LRP1B: variants seen among roughly 807,000 people sequenced by gnomAD.
LRP1B encodes low-density lipoprotein receptor-related protein 1B.
LRP1B carries 217 observed loss-of-function variants against 556.6 expected under a neutral mutation model. The ratio of observed to expected loss-of-function variants is 0.39; its 90% confidence interval spans 0.35 to 0.44. The LOEUF (loss-of-function observed/expected upper bound fraction) is 0.44. Ranked by LOEUF, LRP1B falls within the 20% of genes least tolerant of loss-of-function variation. LRP1B has a pLI of 1.00. For missense variants in LRP1B, 5,053 were observed against 5,620.8 expected, an observed-to-expected ratio of 0.90 and a Z score of 3.23; for synonymous variants, 2,047 against 1,865.8, an observed-to-expected ratio of 1.10 and a Z score of -2.50.
rs1270868000 is a variant in LRP1B at position 141,690,422 on chromosome 2, T to A, written c.205+119857A>T. Among the ~76,000 whole-genome samples, 14 of 132,742 alleles carry A rather than the reference T, an allele frequency of 1.1e-4. 1 individual carries two copies. Among genetic ancestry groups the A allele is most frequent in the African/African-American group, 3.0e-4 (11 of 36,484 alleles). 87.1% of individuals were successfully genotyped at this position (132,742 alleles called of 152,430 possible). A position where few individuals can be genotyped will look rare whatever the true frequency, so the allele number is the denominator to read the frequency against. On this transcript the variant is annotated intron_variant, in intron 2 of 90. Coordinates refer to ENST00000389484, the MANE Select transcript of LRP1B (RefSeq NM_018557.3). ...ATATATATATATATATATATATATA[T>A]ATATATATATATATATATAATTACA...
chr2:140,431,223 A>G (rs1051927382), intron 66 of LRP1B, among the ~76,000 whole-genome samples: 1 of 152,144 alleles, frequency 6.6e-6, no homozygotes, highest in Non-Finnish European at 1.5e-5. Flanking sequence ...TGATGTTTTA[A>G]AAACACACCT....
At chr2:141,468,113 C>G (rs1338553111) in intron 3 of LRP1B, among the ~76,000 whole-genome samples, 2 of 152,134 alleles carry the variant, frequency 1.3e-5, no homozygotes, top group African/African-American at 2.4e-5. Context: ...AAGCTCACAT[C>G]AAAATGTAAG....
intron 1 of LRP1B, among the ~76,000 whole-genome samples, chr2:141,923,098 CAAAAATAAAGATT>C (rs1428953871): frequency 1.3e-5 from 2 of 151,534 alleles, no homozygotes; most frequent in Non-Finnish European, 2.9e-5. Context: ...GACACTGTCT[CAAAAATAAAGATT>C]AAAAATAAAT....
chr2:141,544,877 G>A (rs1268763052), intron 2 of LRP1B, among the ~76,000 whole-genome samples: 1 of 151,406 alleles, frequency 6.6e-6, no homozygotes, highest in Non-Finnish European at 1.5e-5. Flanking sequence ...TGTTTTCTAG[G>A]CTGGTCTCAA....
chr2:140,684,652 G>C (rs1484596542), intron 41 of LRP1B, among the ~76,000 whole-genome samples: 1 of 152,184 alleles, frequency 6.6e-6, no homozygotes, highest in Non-Finnish European at 1.5e-5. Context: ...TATTCTGAAG[G>C]CTGAAAAGGG....
chr2:141,169,603 C>T (rs984372956), intron 7 of LRP1B, among the ~76,000 whole-genome samples: 6 of 151,544 alleles, frequency 4.0e-5, no homozygotes, highest in South Asian at 2.1e-4. Context: ...TTAAAGTTCC[C>T]GTGTAGTAGG....
intron 2 of LRP1B, among the ~76,000 whole-genome samples, chr2:141,624,848 C>T (rs1688645752): frequency 6.6e-6 from 1 of 152,168 alleles, no homozygotes; most frequent in Non-Finnish European, 1.5e-5. Context: ...CGGCTCACTG[C>T]AAGCTCCGCC....
rs117202590 is a variant in LRP1B at position 141,985,342 on chromosome 2, A to C, written c.82+145306T>G. On this transcript the variant is annotated intron_variant, in intron 1 of 90. Coordinates refer to ENST00000389484, the MANE Select transcript of LRP1B (RefSeq NM_018557.3). ...CTTCAAGGATGCAAAGGAGCTTGAA[A>C]ACTTTGCAATTTTGTGCCAGCACAT... Among the ~76,000 whole-genome samples the C allele has an allele frequency of 3.5e-4, 54 of 152,280 alleles. No individual in the cohort carries two copies. The East Asian group carries it at 9.5e-3, about 27-fold the overall frequency.
At chr2:141,918,351 GA>G (rs962830224) in intron 1 of LRP1B, among the ~76,000 whole-genome samples, 4 of 150,714 alleles carry the variant, frequency 2.7e-5, no homozygotes, top group Non-Finnish European at 4.4e-5. Flanking sequence ...GTATAGCATA[GA>G]AAAAAAAACT....
chr2:140,275,737 C>T (rs990972394), intron 84 of LRP1B, among the ~76,000 whole-genome samples: 2 of 151,970 alleles, frequency 1.3e-5, no homozygotes. Context: ...GACTAATCTT[C>T]CCATCAGTCA....
chr2:141,739,094 T>C (rs1693599441), intron 2 of LRP1B, among the ~76,000 whole-genome samples: 1 of 152,222 alleles, frequency 6.6e-6, no homozygotes, highest in African/African-American at 2.4e-5. Flanking sequence ...AGCTAAAATA[T>C]GTTACCCTGA....
chr2:141,637,007 A>C (rs1472705388), intron 2 of LRP1B, among the ~76,000 whole-genome samples: 1 of 152,174 alleles, frequency 6.6e-6, no homozygotes, highest in East Asian at 1.9e-4. Context: ...AGAGAGGCTT[A>C]AATGTTTTGT....
At chr2:142,097,425 AAAG>A (rs910301254) in intron 1 of LRP1B, among the ~76,000 whole-genome samples, 1 of 151,684 alleles carries the variant, frequency 6.6e-6, no homozygotes, top group African/African-American at 2.4e-5. Context: ...TGTGCAAAAA[AAAG>A]AAGCAACAGT....
rs1198638656 is a variant in LRP1B, at chr2:141,700,582, C to G, written c.205+109697G>C. Among the ~76,000 whole-genome samples, 5 of 151,826 alleles carry G rather than the reference C, an allele frequency of 3.3e-5. No homozygotes were observed. In the East Asian group the frequency reaches 9.7e-4, roughly 30 times the overall value. On this transcript the variant is annotated intron_variant, in intron 2 of 90. Coordinates refer to ENST00000389484, the MANE Select transcript of LRP1B (RefSeq NM_018557.3). ...TAGCCCAAAGTGAAGGCCTCAGAAG[C>G]AAAAGGTTTTCTCTTACCTTCTCCT...
intron 2 of LRP1B, among the ~76,000 whole-genome samples, chr2:141,530,415 C>A (rs901583109): frequency 3.3e-5 from 5 of 152,020 alleles, no homozygotes; most frequent in Non-Finnish European, 1.5e-5. Flanking sequence ...TATCTCTGAT[C>A]CCTGGGTAAT....
At chr2:142,006,535 A>G (rs1702806064) in intron 1 of LRP1B, among the ~76,000 whole-genome samples, 1 of 152,212 alleles carries the variant, frequency 6.6e-6, no homozygotes, top group Admixed American at 6.5e-5. Flanking sequence ...ATTTGGAGTT[A>G]ATTCACCTTC....
At chr2:141,490,501 C>T (rs1683292946) in intron 2 of LRP1B, among the ~76,000 whole-genome samples, 1 of 151,796 alleles carries the variant, frequency 6.6e-6, no homozygotes. Context: ...CATTTTCCTG[C>T]ACTGCAACTA....
chr2:140,239,648 C>A, intron 87 of LRP1B, 116 bp from the exon 88 acceptor site: 1 of 554,154 alleles, frequency 1.8e-6, no homozygotes. Context: ...AAAGCTTAGC[C>A]CAAATGTTTA....
chr2:141,033,006 G>C (rs566462933), intron 11 of LRP1B, among the ~76,000 whole-genome samples: 2 of 151,868 alleles, frequency 1.3e-5, no homozygotes, highest in Non-Finnish European at 2.9e-5. Context: ...GCAGCAACAG[G>C]GGATGGGGCT....
Sources: gnomAD v4.1 joint callset for allele counts (sites outside exome capture counted in the v4.1 genomes callset) on GRCh38, gnomAD v4.1.1 for gene constraint, MANE v1.5 for transcripts, NCBI Gene and HGNC (gene_info 2026-07-23, HGNC 2026-07-21) for gene names.